Variants in CEP192 observed in about 807,000 individuals in gnomAD.
CEP192 encodes the protein centrosomal protein of 192 kDa.
Under a neutral mutation model 271.8 loss-of-function variants are expected in CEP192, and 151 were observed. That is an observed-to-expected ratio of 0.56 (90% CI 0.49 to 0.64). The LOEUF (loss-of-function observed/expected upper bound fraction) is 0.64, where lower values mean the gene tolerates loss of function less well. Among genes scored for constraint, CEP192 ranks in the 30% least tolerant of loss-of-function variants. CEP192 has a pLI of 0.00. For missense variants in CEP192, 2,910 were observed against 3,020.5 expected (o/e 0.96, Z 0.86); for synonymous variants, 995 against 1,076.5 (o/e 0.92, Z 1.48).
intron 33 of CEP192, 58 bp from the exon 34 acceptor site, chr18:13,092,319 A>G (rs2039183800): frequency 8.7e-7 from 1 of 1,155,840 alleles, no homozygotes; most frequent in Non-Finnish European, 1.3e-6. Flanking sequence ...TGTATCTGTT[A>G]CTTTGTGGTA....
chr18:13,016,834 G>C (rs1031662732), intron 6 of CEP192, among the ~76,000 whole-genome samples: 1 of 151,874 alleles, frequency 6.6e-6, no homozygotes, highest in Non-Finnish European at 1.5e-5. Flanking sequence ...TCCTGTGATA[G>C]GCTCATCTAT....
At chr18:13,110,082 C>T (rs189473974) in intron 40 of CEP192, among the ~76,000 whole-genome samples, 1 of 152,264 alleles carries the variant, frequency 6.6e-6, no homozygotes, top group East Asian at 1.9e-4. Context: ...AAAAAAATTG[C>T]ACCAAAATCT....
At chr18:13,110,115 A>G (rs1482428051) in intron 40 of CEP192, among the ~76,000 whole-genome samples, 5 of 152,218 alleles carry the variant, frequency 3.3e-5, no homozygotes, top group Non-Finnish European at 7.3e-5. Flanking sequence ...TTCTTTGTTC[A>G]TTCTAAGATT....
rs559669679 is a variant in CEP192 at position 13,120,950 on chromosome 18, G to T, written c.7475+3307G>T. Among the ~76,000 whole-genome samples the T allele has an allele frequency of 7.2e-5, 11 of 152,330 alleles. No homozygotes were observed. In the South Asian group the frequency reaches 2.1e-3, roughly 29 times the overall value. Reference sequence around the variant, plus strand: ...GAAAGGTGGAAACACTGGCTCCTTTGTAACAGAGAATGACCTGTGTTGACC... The same window carrying T: ...GAAAGGTGGAAACACTGGCTCCTTTTTAACAGAGAATGACCTGTGTTGACC... On this transcript the variant is annotated intron_variant, in intron 44 of 44. Coordinates refer to ENST00000506447, the MANE Select transcript of CEP192 (RefSeq NM_032142.4).
chr18:13,025,994 A>AGGTCAGATAAAGT (rs2035278038), intron 9 of CEP192, among the ~76,000 whole-genome samples: 1 of 152,202 alleles, frequency 6.6e-6, no homozygotes, highest in Non-Finnish European at 1.5e-5. Context: ...TCTGACCTAT[A>AGGTCAGATAAAGT]TATTTATCTT....
At chr18:13,080,984 A>C (rs2038572795) in intron 30 of CEP192, among the ~76,000 whole-genome samples, 1 of 152,204 alleles carries the variant, frequency 6.6e-6, no homozygotes, top group South Asian at 2.1e-4. Flanking sequence ...TCCAGGGATG[A>C]AGCCAACTTG....
At chr18:13,053,179 A>G (rs2036896358) in intron 18 of CEP192, 89 bp downstream of exon 18, 2 of 1,076,064 alleles carry the variant, frequency 1.9e-6, no homozygotes, top group African/African-American at 1.6e-5. Flanking sequence ...GTTCAAGCCT[A>G]TATAACTTCA....
In CEP192 at chr18:13,049,008, G is replaced by A. The variant is rs2036627933; in HGVS notation, c.2217G>A (p.Lys739=). 1.9e-6 allele frequency: 3 copies of A among 1,614,090 alleles called. No homozygotes were observed. The highest frequency in any genetic ancestry group is 2.5e-6 in the Non-Finnish European group (3 of 1,180,016). Residue 739 remains lysine, a synonymous_variant, in exon 16 of 45, where the codon AAG becomes AAA. Transcript: ENST00000506447. ...TDPSQLAAMI[K]ALSNKTRDKT... ...CTTCCCAACTTGCTGCAATGATCAA[G>A]GCACTTTCAAATAAAACCAGAGACA...
At chr18:13,044,369 T>C (rs2036366684) in intron 15 of CEP192, among the ~76,000 whole-genome samples, 1 of 152,186 alleles carries the variant, frequency 6.6e-6, no homozygotes, top group African/African-American at 2.4e-5. Flanking sequence ...CCCTCATTCA[T>C]TGGGAACTCT....
At chr18:12,992,264 T>C (rs1048913860) in intron 1 of CEP192, among the ~76,000 whole-genome samples, 13 of 152,228 alleles carry the variant, frequency 8.5e-5, no homozygotes, top group Non-Finnish European at 1.5e-4. Context: ...ACGGCAAGCC[T>C]TGAACAATAA....
intron 3 of CEP192, among the ~76,000 whole-genome samples, chr18:13,003,501 G>A (rs1016681416): frequency 6.6e-6 from 1 of 150,538 alleles, no homozygotes; most frequent in Non-Finnish European, 1.5e-5. Flanking sequence ...TTGAGGGAGG[G>A]AGTTAACTAT....
chr18:13,002,775 A>G (rs1042977283), intron 3 of CEP192, among the ~76,000 whole-genome samples: 2 of 152,238 alleles, frequency 1.3e-5, no homozygotes, highest in Admixed American at 6.5e-5. Flanking sequence ...ATTATAGACA[A>G]TCTTGTTTTC....
At chr18:13,096,671 C>T (rs1395051851) in intron 36 of CEP192, among the ~76,000 whole-genome samples, 1 of 152,130 alleles carries the variant, frequency 6.6e-6, no homozygotes, top group African/African-American at 2.4e-5. Flanking sequence ...CGATGTGTCC[C>T]GAGCCCAAAC....
At chr18:13,110,920 T>C (rs1479234386) in intron 40 of CEP192, among the ~76,000 whole-genome samples, 1 of 152,206 alleles carries the variant, frequency 6.6e-6, no homozygotes, top group Non-Finnish European at 1.5e-5. Context: ...AGCAAGGTTA[T>C]CCCACCTTCT....
chr18:13,055,341 ATGG>A (rs2037033503), intron 18 of CEP192, among the ~76,000 whole-genome samples: 1 of 151,814 alleles, frequency 6.6e-6, no homozygotes, highest in Non-Finnish European at 1.5e-5. Flanking sequence ...GCATGGACAG[ATGG>A]TGGGGTGGGG....
At position 13,095,503 on chromosome 18, in the gene CEP192, C is replaced by T. The variant is rs566243583; in HGVS notation, c.6255C>T (p.Ser2085=). The T allele has an allele frequency of 5.3e-5, 84 of 1,587,924 alleles. No individual in the cohort carries two copies. In the East Asian group the frequency reaches 6.3e-4, roughly 12 times the overall value. Reference sequence around the variant, plus strand: ...TTTTCATTTTTAAATAATTTTTTAGCGACTTGGGAGCTTCTGGGAAACATG... The same window carrying T: ...TTTTCATTTTTAAATAATTTTTTAGTGACTTGGGAGCTTCTGGGAAACATG... ...PSSKASLEST[S]DLGASGKHGG... Residue 2085 remains serine, a splice_region_variant and synonymous_variant, in exon 35 of 45, where the codon AGC becomes AGT. Transcript: ENST00000506447.
intron 2 of CEP192, among the ~76,000 whole-genome samples, chr18:12,999,953 G>C (rs549518009): frequency 6.6e-6 from 1 of 151,778 alleles, no homozygotes; most frequent in South Asian, 2.1e-4. Flanking sequence ...AAGGTTATAG[G>C]AGTACCTCTT....
intron 34 of CEP192, among the ~76,000 whole-genome samples, chr18:13,093,204 AC>A (rs1197177975): frequency 6.6e-6 from 1 of 152,112 alleles, no homozygotes; most frequent in East Asian, 1.9e-4. Flanking sequence ...GCCATGGAAA[AC>A]TCATCCAAAT....
At position 13,105,055 on chromosome 18, in the gene CEP192, G is replaced by T; in HGVS notation, c.7023G>T (p.Leu2341=). The T allele has an allele frequency of 1.2e-6, 2 of 1,613,892 alleles. No homozygotes were observed. Among genetic ancestry groups the T allele is most frequent in the Non-Finnish European group, 1.7e-6 (2 of 1,179,764 alleles). Residue 2341 remains leucine, a synonymous_variant, in exon 40 of 45, where the codon CTG becomes CTT. Coordinates refer to ENST00000506447, the MANE Select transcript of CEP192 (RefSeq NM_032142.4). ...TCAGATGTTCTCCTATTTCTGGTCT[G>T]CTGGAAAGCCATGGGATCCAAAAAG... ...AAFRCSPISG[L]LESHGIQKVS...
Sources: gnomAD v4.1 joint callset for allele counts (sites outside exome capture counted in the v4.1 genomes callset) on GRCh38, gnomAD v4.1.1 for gene constraint, MANE v1.5 for transcripts, NCBI Gene and HGNC (gene_info 2026-07-23, HGNC 2026-07-21) for gene names.